Variants in LRMDA observed in about 807,000 individuals in gnomAD.
LRMDA encodes the protein leucine-rich melanocyte differentiation-associated protein.
A neutral mutation model predicts 29.8 loss-of-function variants in LRMDA; 18 were observed. The ratio of observed to expected loss-of-function variants is 0.60; its 90% CI spans 0.42 to 0.90. The LOEUF (loss-of-function observed/expected upper bound fraction) is 0.90. Ranked by LOEUF, LRMDA falls within the 40% of genes least tolerant of loss-of-function variation. The probability of loss-of-function intolerance (pLI) is 0.00; values close to 1 mark genes in which losing one functional copy is unlikely to be tolerated. For missense variants in LRMDA, 273 were observed against 273.9 expected, an observed-to-expected ratio of 1.00 and a Z score of 0.02; for synonymous variants, 125 against 109.4, an observed-to-expected ratio of 1.14 and a Z score of -0.89.
intron 2 of LRMDA, among the ~76,000 whole-genome samples, chr10:75,688,383 T>G (rs924371848): frequency 5.3e-5 from 8 of 152,186 alleles, no homozygotes; most frequent in Non-Finnish European, 1.2e-4. Context: ...CTTCAAGACT[T>G]CAGTGGAGGA....
At chr10:75,623,008 A>G (rs1292680060) in intron 2 of LRMDA, among the ~76,000 whole-genome samples, 1 of 152,210 alleles carries the variant, frequency 6.6e-6, no homozygotes, top group Non-Finnish European at 1.5e-5. Flanking sequence ...TTTTACCAAC[A>G]ATGCTTTAAT....
chr10:76,327,471 T>C (rs906092246), intron 6 of LRMDA, among the ~76,000 whole-genome samples: 5 of 152,200 alleles, frequency 3.3e-5, no homozygotes, highest in Non-Finnish European at 7.3e-5. Flanking sequence ...GAAACTTGCC[T>C]GATACCCCCT....
At chr10:76,361,143 C>T (rs1188321496) in intron 6 of LRMDA, among the ~76,000 whole-genome samples, 1 of 152,030 alleles carries the variant, frequency 6.6e-6, no homozygotes, top group African/African-American at 2.4e-5. Context: ...TGCCTGTAGT[C>T]CCAGCTACTC....
At chr10:76,491,152 G>C (rs1842830491) in intron 6 of LRMDA, among the ~76,000 whole-genome samples, 2 of 151,768 alleles carry the variant, frequency 1.3e-5, no homozygotes, top group African/African-American at 2.4e-5. Flanking sequence ...AGTTGTTGTA[G>C]TTATTATTTT....
rs114297163 is a variant in LRMDA, at chr10:75,542,582, A to T, written c.131+104088A>T. On this transcript the variant is annotated intron_variant, in intron 2 of 6. Transcript: ENST00000611255. ...AGAGAAAAAGAAGTTTCTAGAACTC[A>T]CTGCAGATTAAGAGAGCTGATTGCG... Among the ~76,000 whole-genome samples the T allele has an allele frequency of 6.2e-3, 947 of 152,352 alleles. 9 individuals carry two copies. Among genetic ancestry groups the T allele is most frequent in the African/African-American group, 0.02 (836 of 41,574 alleles).
chr10:75,536,119 A>G (rs556921312), intron 2 of LRMDA, among the ~76,000 whole-genome samples: 31 of 152,076 alleles, frequency 2.0e-4, no homozygotes, highest in African/African-American at 7.2e-4. Context: ...CTTTGCTCAC[A>G]TTGGCCCCTG....
At chr10:75,754,219 T>C (rs1842999944) in intron 2 of LRMDA, among the ~76,000 whole-genome samples, 2 of 152,216 alleles carry the variant, frequency 1.3e-5, no homozygotes, top group Admixed American at 6.5e-5. Flanking sequence ...GGTTATACCC[T>C]GTGAAGAGGT....
chr10:75,724,133 A>G (rs1260466748), intron 2 of LRMDA, among the ~76,000 whole-genome samples: 2 of 152,228 alleles, frequency 1.3e-5, no homozygotes, highest in African/African-American at 4.8e-5. Flanking sequence ...TATGACAGGT[A>G]GACTCATGAC....
chr10:75,794,704 A>G (rs2132255371), intron 2 of LRMDA, among the ~76,000 whole-genome samples: 1 of 152,204 alleles, frequency 6.6e-6, no homozygotes, highest in South Asian at 2.1e-4. Flanking sequence ...TGCTGAATGT[A>G]TTTTCATGAG....
intron 6 of LRMDA, among the ~76,000 whole-genome samples, chr10:76,417,636 A>G (rs1342693358): frequency 6.6e-6 from 1 of 152,204 alleles, no homozygotes; most frequent in African/African-American, 2.4e-5. Context: ...AGAGTGAAGT[A>G]TGTATATTTG....
intron 5 of LRMDA, among the ~76,000 whole-genome samples, chr10:76,265,182 C>T (rs1347877408): frequency 7.9e-5 from 12 of 152,148 alleles, no homozygotes; most frequent in African/African-American, 2.7e-4. Flanking sequence ...TGATCCGGTC[C>T]GTTTATGTCT....
intron 5 of LRMDA, among the ~76,000 whole-genome samples, chr10:76,225,418 A>G (rs912260499): frequency 6.6e-6 from 1 of 150,420 alleles, no homozygotes; most frequent in African/African-American, 2.4e-5. Context: ...CTCCGTCTCA[A>G]AAAAAAAAAG....
intron 2 of LRMDA, among the ~76,000 whole-genome samples, chr10:75,596,026 T>G (rs1169401983): frequency 6.6e-6 from 1 of 152,240 alleles, no homozygotes; most frequent in Non-Finnish European, 1.5e-5. Flanking sequence ...AGTCATCACT[T>G]CTAGTGTTGT....
intron 2 of LRMDA, among the ~76,000 whole-genome samples, chr10:75,659,848 T>A (rs191971678): frequency 6.6e-6 from 1 of 152,308 alleles, no homozygotes; most frequent in African/African-American, 2.4e-5. Flanking sequence ...CATCTCCTTT[T>A]TTCTTCTTTC....
rs530080965 is a variant in LRMDA, at chr10:76,458,371, T to C, written c.602-98838T>C. 1.6e-3 allele frequency among the ~76,000 whole-genome samples: 249 copies of C among 152,350 alleles called. 1 individual carries two copies. Among genetic ancestry groups the C allele is most frequent in the African/African-American group, 5.7e-3 (236 of 41,574 alleles). ...GGAAGAATGTGCTGTTATTTTTTAGTTACATGTAAACATTTAGATGAATAT... is the reference window on the plus strand; with the variant it reads ...GGAAGAATGTGCTGTTATTTTTTAGCTACATGTAAACATTTAGATGAATAT... On this transcript the variant is annotated intron_variant, in intron 6 of 6. Transcript: ENST00000611255.
intron 2 of LRMDA, among the ~76,000 whole-genome samples, chr10:75,867,375 G>C (rs1166609669): frequency 6.6e-6 from 1 of 152,086 alleles, no homozygotes; most frequent in Non-Finnish European, 1.5e-5. Context: ...GTTAGCCAGG[G>C]TGGTCGCGAT....
At position 76,183,861 on chromosome 10, in the gene LRMDA, A is replaced by G. The variant is rs1851096758; in HGVS notation, c.516+125078A>G. On this transcript the variant is annotated intron_variant, in intron 5 of 6. Coordinates refer to ENST00000611255, the MANE Select transcript of LRMDA (RefSeq NM_001305581.2). Reference sequence around the variant, plus strand: ...AGCCTCCCAAGTAGCTGGGGCTACAAGTGTGTACCACAATGCCTGGCTATT... The same window carrying G: ...AGCCTCCCAAGTAGCTGGGGCTACAGGTGTGTACCACAATGCCTGGCTATT... 3.9e-5 allele frequency among the ~76,000 whole-genome samples: 6 copies of G among 152,038 alleles called. No homozygotes were observed. The South Asian group carries it at 1.2e-3, about 32-fold the overall frequency.
At chr10:76,038,267 C>T (rs1037360461) in intron 3 of LRMDA, among the ~76,000 whole-genome samples, 4 of 152,214 alleles carry the variant, frequency 2.6e-5, no homozygotes, top group African/African-American at 4.8e-5. Flanking sequence ...TGGTTTTATT[C>T]ACAGTATTGC....
chr10:76,510,726 G>C (rs1410433907), intron 6 of LRMDA, among the ~76,000 whole-genome samples: 3 of 152,164 alleles, frequency 2.0e-5, no homozygotes, highest in Non-Finnish European at 4.4e-5. Context: ...GATCGCTGTT[G>C]AGATGAGGTC....
Sources: allele counts gnomAD v4.1 joint callset (sites outside exome capture counted in the v4.1 genomes callset), GRCh38; gene constraint gnomAD v4.1.1; transcripts MANE v1.5; gene names NCBI Gene and HGNC (gene_info 2026-07-23, HGNC 2026-07-21).